Variants in ACTR10 observed in about 807,000 individuals in gnomAD.
ACTR10 encodes the protein actin-related protein 10.
ACTR10 carries 43 observed loss-of-function variants against 56.2 expected under a neutral mutation model. That is an observed-to-expected ratio of 0.77 (90% CI 0.60 to 0.99). The LOEUF is 0.99. Ranked by LOEUF, ACTR10 falls within the 50% of genes least tolerant of loss-of-function variation. The probability of loss-of-function intolerance (pLI) is 0.00; values close to 1 mark genes in which losing one functional copy is unlikely to be tolerated. For missense variants in ACTR10, 466 were observed against 507.8 expected, an observed-to-expected ratio of 0.92 and a Z score of 0.79; for synonymous variants, 170 against 176.3, an observed-to-expected ratio of 0.96 and a Z score of 0.28.
At chr14:58,212,377 G>T (rs1284655681) in intron 5 of ACTR10, among the ~76,000 whole-genome samples, 2 of 152,142 alleles carry the variant, frequency 1.3e-5, no homozygotes, top group Admixed American at 1.3e-4. Context: ...TATTTAAGCA[G>T]AGTATAGATG....
chr14:58,223,842 C>T lies in ACTR10; in HGVS notation c.774C>T (p.Ile258=), dbSNP rs1209104917. Residue 258 remains isoleucine (I), a synonymous_variant, in exon 10 of 13, where the codon ATC becomes ATT. Transcript: ENST00000254286. ...TAGATGGAGAGAAGATTTTACATAT[C>T]CTTGGATCAATCAGGTTAGATCTTA... is the stretch of plus-strand genomic sequence containing the variant. ...YPLDGEKILH[I]LGSIRDSVVE... The T allele has an allele frequency of 3.1e-6, 5 of 1,611,988 alleles. No homozygotes were observed. The highest frequency in any genetic ancestry group is 4.2e-6 in the Non-Finnish European group (5 of 1,178,638).
At chr14:58,224,722 G>A (rs1175428607) in intron 10 of ACTR10, among the ~76,000 whole-genome samples, 1 of 152,094 alleles carries the variant, frequency 6.6e-6, no homozygotes, top group Non-Finnish European at 1.5e-5. Flanking sequence ...CTCAGGCTTG[G>A]CCGGGCGCAG....
At chr14:58,203,256 C>G (rs1341101059) in intron 2 of ACTR10, among the ~76,000 whole-genome samples, 1 of 127,016 alleles carries the variant, frequency 7.9e-6, no homozygotes, top group African/African-American at 2.9e-5. Flanking sequence ...GAGCCAAAAT[C>G]AAGCCATCGC....
chr14:58,206,594 G>A (rs1054664448), intron 2 of ACTR10, among the ~76,000 whole-genome samples: 20 of 152,266 alleles, frequency 1.3e-4, no homozygotes, highest in African/African-American at 2.6e-4. Context: ...TAGGCTGATG[G>A]TACTTCTTTT....
At chr14:58,225,773 C>T (rs1452152192) in intron 10 of ACTR10, among the ~76,000 whole-genome samples, 7 of 151,082 alleles carry the variant, frequency 4.6e-5, no homozygotes, top group African/African-American at 1.5e-4. Context: ...AGTGCACTGG[C>T]GCGGTCTCGG....
intron 8 of ACTR10, among the ~76,000 whole-genome samples, chr14:58,221,714 G>A (rs553491021): frequency 1.3e-5 from 2 of 152,222 alleles, no homozygotes; most frequent in South Asian, 2.1e-4. Flanking sequence ...GGACTCCAGC[G>A]TGGATGACAG....
At position 58,230,446 on chromosome 14, in the gene ACTR10, C is replaced by A; in HGVS notation, c.836C>A (p.Ser279Ter). Residue 279 changes from serine to a stop codon, truncating the protein, a stop_gained, in exon 11 of 13, where the codon TCA becomes TAA. Coordinates refer to ENST00000254286, the MANE Select transcript of ACTR10 (RefSeq NM_018477.3). LOFTEE classifies it high-confidence loss of function. Reference protein sequence around the residue: ...ILFEQDNEEQSVATLILDSLI... With the variant: ...ILFEQDNEEQ ...TTTGAACAAGATAATGAAGAGCAAT[C>A]AGTTGCCACTTTAATATTGGATTCC... 1 of 1,588,658 alleles carries A rather than the reference C, an allele frequency of 6.3e-7. No homozygotes were observed.
chr14:58,224,598 A>C (rs1300044648), intron 10 of ACTR10, among the ~76,000 whole-genome samples: 2 of 152,172 alleles, frequency 1.3e-5, no homozygotes. Flanking sequence ...GTTGGAGGAT[A>C]TCTTGAGCCC....
chr14:58,220,403 G>A (rs1889234642), intron 8 of ACTR10, among the ~76,000 whole-genome samples: 1 of 152,142 alleles, frequency 6.6e-6, no homozygotes, highest in Non-Finnish European at 1.5e-5. Flanking sequence ...TAGGGTTAGA[G>A]CTCAGGCTAC....
intron 7 of ACTR10, among the ~76,000 whole-genome samples, chr14:58,218,999 T>C (rs532812495): frequency 3.9e-5 from 6 of 152,282 alleles, no homozygotes; most frequent in African/African-American, 1.4e-4. Flanking sequence ...TTTGTATTTT[T>C]AGTAGAGACG....
chr14:58,222,119 A>G (rs1201671669), intron 8 of ACTR10, among the ~76,000 whole-genome samples: 3 of 152,150 alleles, frequency 2.0e-5, no homozygotes, highest in African/African-American at 7.2e-5. Context: ...AGAATTGTGT[A>G]TAATATATAT....
In ACTR10 at chr14:58,200,155, C is replaced by T; in HGVS notation, c.-63C>T. 7.9e-7 allele frequency: 1 copy of T among 1,272,532 alleles called. No homozygotes were observed. The highest frequency in any genetic ancestry group is 1.0e-6 in the Non-Finnish European group (1 of 986,534). 78.8% of individuals were successfully genotyped at this position (1,272,532 alleles called of 1,614,324 possible). ...GCGCCGGAGCCCCGGCCCCGCCCCG[C>T]GAGCGCCGAGACTTGTTGGCCGCGG... On this transcript the variant is annotated 5_prime_UTR_variant, in exon 1 of 13. Coordinates refer to ENST00000254286, the MANE Select transcript of ACTR10 (RefSeq NM_018477.3).
chr14:58,215,973 C>CTTT (rs754573194), intron 7 of ACTR10, among the ~76,000 whole-genome samples: 8 of 135,766 alleles, frequency 5.9e-5, no homozygotes, highest in African/African-American at 1.9e-4. Flanking sequence ...TTCTTTCTTT[C>CTTT]TTTTTTTTTT....
intron 2 of ACTR10, among the ~76,000 whole-genome samples, chr14:58,206,073 C>T (rs1301859801): frequency 6.6e-6 from 1 of 151,986 alleles, no homozygotes; most frequent in African/African-American, 2.4e-5. Flanking sequence ...TTTTTCATGT[C>T]ATTTTGCTTT....
At chr14:58,221,969 C>T (rs1758510800) in intron 8 of ACTR10, among the ~76,000 whole-genome samples, 2 of 152,016 alleles carry the variant, frequency 1.3e-5, no homozygotes, top group African/African-American at 4.8e-5. Context: ...CTTAGATAGT[C>T]ACGAGAACTT....
chr14:58,200,406 C>T (rs1268958449), intron 1 of ACTR10, 112 bp downstream of exon 1: 2 of 802,316 alleles, frequency 2.5e-6, no homozygotes, highest in Non-Finnish European at 3.5e-6. Flanking sequence ...CGGGCCTCCC[C>T]TTTTCTTCAA....
rs184025730 is a variant in ACTR10, at chr14:58,230,358, C to T, written c.789-41C>T. 1.6e-4 allele frequency: 192 copies of T among 1,169,934 alleles called. 1 individual carries two copies. The Admixed American group carries it at 3.1e-3, about 19-fold the overall frequency. The allele number at this position is 1,169,934 out of a possible 1,614,324, so 72.5% of individuals were successfully genotyped here. A position where few individuals can be genotyped will look rare whatever the true frequency, so the allele number is the denominator to read the frequency against. ...GTGTATTCTGTGTAATATTATAATA[C>T]GTGACACCAACAGAAAGCTCTCTTT... On this transcript the variant is annotated intron_variant, in intron 10 of 12. Coordinates refer to ENST00000254286, the MANE Select transcript of ACTR10 (RefSeq NM_018477.3).
chr14:58,223,532 C>A, intron 8 of ACTR10, 90 bp from the exon 9 acceptor site: 1 of 981,844 alleles, frequency 1.0e-6, no homozygotes, highest in Non-Finnish European at 1.5e-6. Flanking sequence ...AGCATGTTCA[C>A]TTGAATAGAA....
intron 6 of ACTR10, among the ~76,000 whole-genome samples, chr14:58,214,760 G>C (rs2140051183): frequency 6.6e-6 from 1 of 151,034 alleles, no homozygotes. Flanking sequence ...CAGAGTGCTG[G>C]GATTACAGGC....
Sources: allele counts gnomAD v4.1 joint callset (sites outside exome capture counted in the v4.1 genomes callset), GRCh38; gene constraint gnomAD v4.1.1; transcripts MANE v1.5; gene names NCBI Gene and HGNC (gene_info 2026-07-23, HGNC 2026-07-21).